The following MYOF variants were observed in gnomAD, a reference collection of about 807,000 sequenced individuals.
MYOF encodes myoferlin, also known as fer-1-like 3, myoferlin.
MYOF carries 244 observed loss-of-function variants against 284.2 expected under a neutral mutation model. The ratio of observed to expected loss-of-function variants is 0.86; its 90% confidence interval spans 0.77 to 0.95. The LOEUF (loss-of-function observed/expected upper bound fraction) is 0.95, where lower values mean the gene tolerates loss of function less well. MYOF is among the 40% of genes least tolerant of loss of function. The pLI, the probability that MYOF is intolerant of heterozygous loss-of-function variation, is 0.00. For missense variants in MYOF, 2,496 were observed against 2,560.6 expected (o/e 0.97, Z 0.54); for synonymous variants, 904 against 919.7 (o/e 0.98, Z 0.31).
chr10:93,458,146 A>G (rs546734574), intron 1 of MYOF, among the ~76,000 whole-genome samples: 1 of 152,090 alleles, frequency 6.6e-6, no homozygotes, highest in South Asian at 2.1e-4. Flanking sequence ...TGAGCCTAGG[A>G]GTTCAAGACC....
intron 1 of MYOF, among the ~76,000 whole-genome samples, chr10:93,470,282 GTTAAAA>G (rs2134382657): frequency 6.6e-6 from 1 of 150,750 alleles, no homozygotes; most frequent in South Asian, 2.1e-4. Context: ...AAAGGAATAT[GTTAAAA>G]TTAAATAACT....
At chr10:93,324,949 T>G (rs1842980616) in intron 46 of MYOF, among the ~76,000 whole-genome samples, 1 of 151,952 alleles carries the variant, frequency 6.6e-6, no homozygotes. Context: ...CCAGCTAATT[T>G]TTGTATTTTT....
intron 37 of MYOF, among the ~76,000 whole-genome samples, chr10:93,346,905 A>G (rs1165631165): frequency 5.9e-5 from 9 of 152,244 alleles, no homozygotes; most frequent in Non-Finnish European, 1.3e-4. Flanking sequence ...AGTGAAAGGC[A>G]GAGGAAATGA....
intron 2 of MYOF, among the ~76,000 whole-genome samples, chr10:93,456,398 G>C (rs1351791893): frequency 2.6e-5 from 4 of 152,124 alleles, no homozygotes; most frequent in Non-Finnish European, 5.9e-5. Context: ...TCCACATGAA[G>C]CATACTGGAC....
In MYOF at chr10:93,343,693, A is replaced by G. The variant is rs12571851; in HGVS notation, c.4326+163T>C. ...CACAATGTCATCATAACTGTTGATG[A>G]GTGCAAGATTTAGACTCTTGTCTGT... On this transcript the variant is annotated intron_variant, in intron 38 of 53. Coordinates refer to ENST00000359263, the MANE Select transcript of MYOF (RefSeq NM_013451.4). Among the ~76,000 whole-genome samples, 359 of 152,350 alleles carry G rather than the reference A, an allele frequency of 2.4e-3. 8 individuals are homozygous for G. In the East Asian group the frequency reaches 0.054, roughly 23 times the overall value.
At chr10:93,336,361 T>G (rs1323906153) in intron 40 of MYOF, among the ~76,000 whole-genome samples, 1 of 152,180 alleles carries the variant, frequency 6.6e-6, no homozygotes, top group Non-Finnish European at 1.5e-5. Flanking sequence ...AAATAACTTG[T>G]GGCATATCCA....
intron 1 of MYOF, among the ~76,000 whole-genome samples, chr10:93,478,838 A>AG (rs1189742938): frequency 0.021 from 2,967 of 141,560 alleles, 77 homozygotes; most frequent in East Asian, 0.072. Context: ...AAAAAAAAAA[A>AG]AAAAAGAAAG....
intron 39 of MYOF, chr10:93,338,292 A>C (rs1047948335): frequency 2.2e-6 from 1 of 458,986 alleles, no homozygotes; most frequent in Non-Finnish European, 4.4e-6. Flanking sequence ...CTACTATCTC[A>C]TTTTCTTAGC....
At chr10:93,373,106 G>C (rs757382446) in intron 23 of MYOF, 21 bp from the exon 24 acceptor site, 9 of 1,613,940 alleles carry the variant, frequency 5.6e-6, no homozygotes, top group Non-Finnish European at 7.6e-6. Flanking sequence ...GGATTGGATG[G>C]AAGAGGAAGC....
chr10:93,470,295 A>G (rs1038894084), intron 1 of MYOF, among the ~76,000 whole-genome samples: 2 of 152,206 alleles, frequency 1.3e-5, no homozygotes, highest in African/African-American at 4.8e-5. Flanking sequence ...AAAATTAAAT[A>G]ACTAAGTACA....
chr10:93,310,424 T>C lies in MYOF; in HGVS notation c.5999+110A>G, dbSNP rs1214573034. The C allele has an allele frequency of 2.6e-6, 3 of 1,132,678 alleles. No homozygotes were observed. In the East Asian group the frequency reaches 7.4e-5, roughly 28 times the overall value. 70.2% of individuals were successfully genotyped at this position (1,132,678 alleles called of 1,614,324 possible). ...TCCACCCCCACCCACCACTATTAAA[T>C]ACCAGATTAGGAGGACCACAAAAGC... On this transcript the variant is annotated intron_variant, in intron 52 of 53. Transcript: ENST00000359263.
In MYOF at chr10:93,379,889, T is replaced by G. The variant is rs776523451; in HGVS notation, c.1975A>C (p.Thr659Pro). The change falls in exon 21 of 54, where the codon ACT becomes CCT. Residue 659 changes from threonine (T) to proline (P), a missense_variant. Physicochemically the swap from Thr to Pro is conservative, Grantham distance 38. Transcript: ENST00000359263. ...DISHRLDAVNTLLAMAERLQT... is the reference protein window; with the variant it reads ...DISHRLDAVNPLLAMAERLQT... ...AGCCGTTCTGCCATAGCTAGGAGAG[T>G]GTTCACCGCATCCAGGCGATGACTA... is the stretch of plus-strand genomic sequence containing the variant. 2 of 1,613,556 alleles carry G rather than the reference T, an allele frequency of 1.2e-6. No homozygotes were observed. The highest frequency in any genetic ancestry group is 1.3e-5 in the African/African-American group (1 of 74,860).
chr10:93,368,900 C>G (rs548201026), intron 25 of MYOF, among the ~76,000 whole-genome samples: 87 of 152,096 alleles, frequency 5.7e-4, no homozygotes, highest in African/African-American at 2.0e-3. Context: ...CAGAAGAGAC[C>G]CACCGAATAC....
intron 3 of MYOF, among the ~76,000 whole-genome samples, chr10:93,439,269 A>G (rs1272369840): frequency 2.0e-5 from 3 of 152,242 alleles, no homozygotes; most frequent in East Asian, 1.9e-4. Flanking sequence ...CATTGAGGCC[A>G]GAGTCTGTGG....
chr10:93,308,694 C>A (rs1223359092), intron 53 of MYOF, among the ~76,000 whole-genome samples: 1 of 151,624 alleles, frequency 6.6e-6, no homozygotes, highest in Non-Finnish European at 1.5e-5. Flanking sequence ...AGACACAAAA[C>A]CCCTGCTGCT....
At chr10:93,363,877 C>A in intron 27 of MYOF, 84 bp downstream of exon 27, 1 of 1,245,956 alleles carries the variant, frequency 8.0e-7, no homozygotes. Context: ...GAGGTTAAAG[C>A]CCAAGCCAGG....
intron 3 of MYOF, among the ~76,000 whole-genome samples, chr10:93,439,082 G>T (rs1296133087): frequency 6.6e-6 from 1 of 152,220 alleles, no homozygotes; most frequent in African/African-American, 2.4e-5. Flanking sequence ...TAGCCTGAAG[G>T]CTGTGGCAGG....
intron 17 of MYOF, among the ~76,000 whole-genome samples, chr10:93,391,785 C>T (rs1846697138): frequency 6.6e-6 from 1 of 152,152 alleles, no homozygotes; most frequent in African/African-American, 2.4e-5. Flanking sequence ...TTTCCTCTGA[C>T]CTAGCTACAA....
intron 1 of MYOF, chr10:93,478,178 A>G: frequency 3.3e-6 from 1 of 302,654 alleles, no homozygotes; most frequent in Non-Finnish European, 6.6e-6. Context: ...TTTTTTAACA[A>G]CCTGTTCTGT....
Sources: gnomAD v4.1 joint callset for allele counts (sites outside exome capture counted in the v4.1 genomes callset) on GRCh38, gnomAD v4.1.1 for gene constraint, MANE v1.5 for transcripts, NCBI Gene and HGNC (gene_info 2026-07-23, HGNC 2026-07-21) for gene names.